Variants in CAMK2D observed in about 807,000 individuals in gnomAD.
CAMK2D encodes calcium/calmodulin dependent protein kinase II delta, also known as calcium/calmodulin-dependent protein kinase type II subunit delta.
Under a neutral mutation model 84.0 loss-of-function variants are expected in CAMK2D, and 37 were observed. The observed-to-expected ratio is 0.44, with a 90% CI of 0.34 to 0.58. The LOEUF (loss-of-function observed/expected upper bound fraction) is 0.58. CAMK2D is among the 20% of genes least tolerant of loss of function. The probability of loss-of-function intolerance (pLI) is 0.02; values close to 1 mark genes in which losing one functional copy is unlikely to be tolerated. For synonymous variants in CAMK2D, 202 were observed against 212.5 expected, an observed-to-expected ratio of 0.95 and a Z score of 0.43; for missense variants, 448 against 652.5, an observed-to-expected ratio of 0.69 and a Z score of 3.41.
intron 4 of CAMK2D, among the ~76,000 whole-genome samples, chr4:113,553,620 G>T (rs1374572351): frequency 6.6e-6 from 1 of 152,042 alleles, no homozygotes; most frequent in Non-Finnish European, 1.5e-5. Context: ...TCTCTTAATT[G>T]CATTCTGGAT....
chr4:113,534,908 G>A (rs2098479488), intron 7 of CAMK2D, among the ~76,000 whole-genome samples: 1 of 152,138 alleles, frequency 6.6e-6, no homozygotes, highest in African/African-American at 2.4e-5. Flanking sequence ...CATATATTCT[G>A]ATTCATAAAG....
Position 113,761,453 on chromosome 4 carries a change from G to A in CAMK2D, c.-385C>T, listed in dbSNP as rs76708167. ...GACGAGTGGCAAGCAGTTGCGAAAC[G>A]ATCCGCACTGGAGCAGGAGGAGTAG... On this transcript the variant is annotated 5_prime_UTR_variant, in exon 1 of 21. Transcript: ENST00000511664. 8 of 1,162,126 alleles carry A rather than the reference G, an allele frequency of 6.9e-6. No homozygotes were observed. The East Asian group carries it at 3.6e-4, about 52-fold the overall frequency. The allele number at this position is 1,162,126 out of a possible 1,614,324, so 72.0% of individuals were successfully genotyped here. A position where few individuals can be genotyped will look rare whatever the true frequency, so the allele number is the denominator to read the frequency against.
At position 113,626,157 on chromosome 4, in the gene CAMK2D, G is replaced by T. The variant is rs1250614041; in HGVS notation, c.221-16951C>A. On this transcript the variant is annotated intron_variant, in intron 3 of 20. Transcript: ENST00000511664. ...GAGAGAGTGGGATGTGAGAGGAGAG[G>T]AGTAATGAATGATGTCAATGTCCTC... 2.0e-5 allele frequency among the ~76,000 whole-genome samples: 3 copies of T among 152,134 alleles called. No homozygotes were observed. The South Asian group carries it at 6.2e-4, about 32-fold the overall frequency.
chr4:113,596,724 C>T (rs1457697183), intron 4 of CAMK2D, among the ~76,000 whole-genome samples: 1 of 152,102 alleles, frequency 6.6e-6, no homozygotes, highest in Non-Finnish European at 1.5e-5. Context: ...ATTCAGTAAA[C>T]CATGATGTAA....
At chr4:113,625,794 T>A (rs558779180) in intron 3 of CAMK2D, among the ~76,000 whole-genome samples, 1 of 152,212 alleles carries the variant, frequency 6.6e-6, no homozygotes, top group Non-Finnish European at 1.5e-5. Context: ...TATGCTCTGC[T>A]TGTTTTAAGA....
chr4:113,458,270 G>A (rs2097329539), intron 18 of CAMK2D, among the ~76,000 whole-genome samples: 2 of 152,130 alleles, frequency 1.3e-5, no homozygotes, highest in Non-Finnish European at 1.5e-5. Context: ...CCAGCCTCTG[G>A]TTTTGACAGT....
intron 2 of CAMK2D, among the ~76,000 whole-genome samples, chr4:113,757,081 A>G (rs2099630158): frequency 6.6e-6 from 1 of 152,090 alleles, no homozygotes; most frequent in South Asian, 2.1e-4. Context: ...ATGATTTCCC[A>G]TTTTACTGAT....
intron 4 of CAMK2D, among the ~76,000 whole-genome samples, chr4:113,585,618 C>T (rs2098830295): frequency 6.6e-6 from 1 of 151,684 alleles, no homozygotes; most frequent in Non-Finnish European, 1.5e-5. Flanking sequence ...AATATGCAAT[C>T]TTACAGTGTA....
intron 2 of CAMK2D, among the ~76,000 whole-genome samples, chr4:113,681,525 C>G (rs1040445378): frequency 1.3e-5 from 2 of 152,150 alleles, no homozygotes; most frequent in Admixed American, 6.6e-5. Context: ...CAGTCTTGGG[C>G]AGTTCTTAAT....
chr4:113,761,499 G>A lies in CAMK2D; in HGVS notation c.-431C>T. The A allele has an allele frequency of 9.6e-7, 1 of 1,044,314 alleles. No homozygotes were observed. Among genetic ancestry groups the A allele is most frequent in the Non-Finnish European group, 1.2e-6 (1 of 864,722 alleles). The allele number at this position is 1,044,314 out of a possible 1,614,324, so 64.7% of individuals were successfully genotyped here. A position where few individuals can be genotyped will look rare whatever the true frequency, so the allele number is the denominator to read the frequency against. ...AGTAGAAGCAGAGGGGAGGGAGTCCGAGGGGGCGGAGGTGGAGTGCAGCGG... is the reference window on the plus strand; with the variant it reads ...AGTAGAAGCAGAGGGGAGGGAGTCCAAGGGGGCGGAGGTGGAGTGCAGCGG... On this transcript the variant is annotated 5_prime_UTR_variant, in exon 1 of 21. Transcript: ENST00000511664.
chr4:113,524,817 T>C (rs1257243652), intron 8 of CAMK2D, among the ~76,000 whole-genome samples: 1 of 152,120 alleles, frequency 6.6e-6, no homozygotes, highest in African/African-American at 2.4e-5. Context: ...ATAGTAAATG[T>C]AGAGAAATTT....
At chr4:113,496,619 T>G (rs537244089) in intron 16 of CAMK2D, among the ~76,000 whole-genome samples, 3 of 152,050 alleles carry the variant, frequency 2.0e-5, no homozygotes, top group Non-Finnish European at 4.4e-5. Context: ...CAGCTAATTT[T>G]TGTATTTTTA....
At chr4:113,564,661 A>G (rs190215797) in intron 4 of CAMK2D, among the ~76,000 whole-genome samples, 2 of 152,362 alleles carry the variant, frequency 1.3e-5, no homozygotes, top group Admixed American at 1.3e-4. Context: ...CTCAATCAAC[A>G]TTAATTGAAT....
At chr4:113,640,702 T>C (rs927222759) in intron 3 of CAMK2D, among the ~76,000 whole-genome samples, 3 of 152,132 alleles carry the variant, frequency 2.0e-5, no homozygotes, top group Non-Finnish European at 4.4e-5. Context: ...AGAAGAAGCC[T>C]GAAAGCAGAC....
At chr4:113,706,617 G>T (rs969775337) in intron 2 of CAMK2D, among the ~76,000 whole-genome samples, 1 of 152,044 alleles carries the variant, frequency 6.6e-6, no homozygotes, top group Non-Finnish European at 1.5e-5. Context: ...TTTAAAGGAT[G>T]GTATGGCTAC....
At chr4:113,493,469 C>A (rs2097875299) in intron 16 of CAMK2D, among the ~76,000 whole-genome samples, 1 of 152,070 alleles carries the variant, frequency 6.6e-6, no homozygotes, top group Non-Finnish European at 1.5e-5. Context: ...TGAATATTGG[C>A]CCCTACTCTC....
At chr4:113,651,587 A>T (rs189131008) in intron 3 of CAMK2D, among the ~76,000 whole-genome samples, 132 of 152,286 alleles carry the variant, frequency 8.7e-4, no homozygotes, top group African/African-American at 2.9e-3. Flanking sequence ...TTTTAAAAAA[A>T]TTGAGGGCTT....
intron 5 of CAMK2D, among the ~76,000 whole-genome samples, chr4:113,548,252 A>G (rs1198212038): frequency 6.6e-6 from 1 of 152,182 alleles, no homozygotes; most frequent in Non-Finnish European, 1.5e-5. Flanking sequence ...ACTCAAATGG[A>G]GCAATGCGTA....
chr4:113,465,015 C>T (rs1431617378), intron 17 of CAMK2D, among the ~76,000 whole-genome samples: 2 of 152,098 alleles, frequency 1.3e-5, no homozygotes, highest in African/African-American at 4.8e-5. Flanking sequence ...AGAAGTCAAG[C>T]CTTCTCTCTG....
Sources: gnomAD v4.1 joint callset for allele counts (sites outside exome capture counted in the v4.1 genomes callset) on GRCh38, gnomAD v4.1.1 for gene constraint, MANE v1.5 for transcripts, NCBI Gene and HGNC (gene_info 2026-07-23, HGNC 2026-07-21) for gene names.